The following GPC6 variants were observed in gnomAD, a reference collection of about 807,000 sequenced individuals.
GPC6 encodes the protein glypican 6, also known as glypican-6.
Under a neutral mutation model 55.2 loss-of-function variants are expected in GPC6, and 14 were observed. That is an observed-to-expected ratio of 0.25 (90% confidence interval 0.17 to 0.40). The LOEUF (loss-of-function observed/expected upper bound fraction) is 0.40, where lower values mean the gene tolerates loss of function less well. Ranked by LOEUF, GPC6 falls within the 10% of genes least tolerant of loss-of-function variation. The pLI, the probability that GPC6 is intolerant of heterozygous loss-of-function variation, is 1.00. For synonymous variants in GPC6, 278 were observed against 259.6 expected (o/e 1.07, Z -0.68); for missense variants, 641 against 708.5 (o/e 0.90, Z 1.08).
intron 3 of GPC6, among the ~76,000 whole-genome samples, chr13:93,957,296 A>T (rs2140379253): frequency 6.6e-6 from 1 of 152,260 alleles, no homozygotes; most frequent in Admixed American, 6.5e-5. Context: ...GTACACGTAC[A>T]GGCTTGTTAC....
At chr13:93,577,356 A>T (rs1412164186) in intron 2 of GPC6, among the ~76,000 whole-genome samples, 1 of 152,110 alleles carries the variant, frequency 6.6e-6, no homozygotes, top group Non-Finnish European at 1.5e-5. Context: ...ACTTTTGAAA[A>T]TTTTACAAAA....
intron 2 of GPC6, among the ~76,000 whole-genome samples, chr13:93,771,288 C>G (rs1215841501): frequency 6.6e-6 from 1 of 152,194 alleles, no homozygotes. Context: ...GATCACGCTT[C>G]CTTCCTCGGT....
At chr13:93,260,506 T>C (rs1877108553) in intron 1 of GPC6, among the ~76,000 whole-genome samples, 1 of 152,124 alleles carries the variant, frequency 6.6e-6, no homozygotes, top group African/African-American at 2.4e-5. Flanking sequence ...GGACTTGTTA[T>C]CACCGCCTCT....
intron 4 of GPC6, among the ~76,000 whole-genome samples, chr13:94,109,084 C>A (rs1886153536): frequency 6.6e-6 from 1 of 152,282 alleles, no homozygotes; most frequent in East Asian, 1.9e-4. Context: ...AATGTAAAAG[C>A]TTTACATCCC....
intron 2 of GPC6, among the ~76,000 whole-genome samples, chr13:93,590,849 G>A (rs990694866): frequency 2.6e-4 from 40 of 151,944 alleles, no homozygotes; most frequent in Non-Finnish European, 4.1e-4. Context: ...TTCATGAAAC[G>A]CTGATGCTTA....
At chr13:94,137,744 T>C (rs1320162038) in intron 4 of GPC6, among the ~76,000 whole-genome samples, 1 of 152,176 alleles carries the variant, frequency 6.6e-6, no homozygotes, top group Non-Finnish European at 1.5e-5. Context: ...AATGGCTACT[T>C]TGGCAAATGA....
chr13:93,919,155 G>A (rs545312882), intron 3 of GPC6, among the ~76,000 whole-genome samples: 1 of 152,260 alleles, frequency 6.6e-6, no homozygotes, highest in African/African-American at 2.4e-5. Flanking sequence ...TGTCATGACT[G>A]TAAACTCCCT....
chr13:94,105,729 A>T (rs1429142231), intron 4 of GPC6, among the ~76,000 whole-genome samples: 1 of 152,164 alleles, frequency 6.6e-6, no homozygotes, highest in Non-Finnish European at 1.5e-5. Flanking sequence ...TAGAAAGCAA[A>T]CCAAGATAGT....
At chr13:93,623,215 A>T (rs369814875) in intron 2 of GPC6, among the ~76,000 whole-genome samples, 1 of 152,168 alleles carries the variant, frequency 6.6e-6, no homozygotes, top group African/African-American at 2.4e-5. Context: ...GTGCTGAAAA[A>T]AAAAATAATA....
At chr13:93,755,948 T>C (rs1292972554) in intron 2 of GPC6, among the ~76,000 whole-genome samples, 1 of 152,186 alleles carries the variant, frequency 6.6e-6, no homozygotes, top group Admixed American at 6.6e-5. Context: ...GCTGGAGGAA[T>C]CCTCTACTGT....
intron 2 of GPC6, among the ~76,000 whole-genome samples, chr13:93,568,364 A>G (rs1240357600): frequency 6.6e-6 from 1 of 152,142 alleles, no homozygotes; most frequent in Non-Finnish European, 1.5e-5. Context: ...AAAACTTTTG[A>G]TTTTGATGAG....
chr13:93,978,910 A>G (rs1288305838), intron 3 of GPC6, among the ~76,000 whole-genome samples: 1 of 152,214 alleles, frequency 6.6e-6, no homozygotes, highest in African/African-American at 2.4e-5. Context: ...GTTATAGTCA[A>G]TACAGTGCCC....
At chr13:93,881,791 C>G (rs1874991045) in intron 3 of GPC6, among the ~76,000 whole-genome samples, 1 of 152,090 alleles carries the variant, frequency 6.6e-6, no homozygotes, top group East Asian at 1.9e-4. Flanking sequence ...TTCATTCTAG[C>G]CTCAATGCCT....
chr13:94,019,787 A>G (rs1882626644), intron 3 of GPC6, among the ~76,000 whole-genome samples: 1 of 152,200 alleles, frequency 6.6e-6, no homozygotes, highest in Non-Finnish European at 1.5e-5. Context: ...TCAGGATTCT[A>G]TTTAATCCAC....
intron 1 of GPC6, among the ~76,000 whole-genome samples, chr13:93,300,489 A>C (rs1878637584): frequency 6.6e-6 from 1 of 151,676 alleles, no homozygotes; most frequent in Non-Finnish European, 1.5e-5. Context: ...TCTACTAAAA[A>C]TACAAAAAAT....
intron 1 of GPC6, among the ~76,000 whole-genome samples, chr13:93,316,228 T>C (rs1258722706): frequency 6.6e-6 from 1 of 152,084 alleles, no homozygotes; most frequent in African/African-American, 2.4e-5. Context: ...GAACTATTTT[T>C]TATTCATGCC....
intron 4 of GPC6, among the ~76,000 whole-genome samples, chr13:94,188,523 A>G (rs1048132516): frequency 6.6e-6 from 1 of 152,328 alleles, no homozygotes; most frequent in East Asian, 1.9e-4. Flanking sequence ...AAAGTTGAAT[A>G]AAGAAAAAAA....
intron 1 of GPC6, among the ~76,000 whole-genome samples, chr13:93,312,050 T>G (rs2139109743): frequency 6.6e-6 from 1 of 152,318 alleles, no homozygotes; most frequent in Middle Eastern, 3.4e-3. Flanking sequence ...GAAAGTTACT[T>G]TGGCTTAGAA....
chr13:93,441,052 C>T (rs1877777961), intron 1 of GPC6, among the ~76,000 whole-genome samples: 1 of 152,168 alleles, frequency 6.6e-6, no homozygotes, highest in Non-Finnish European at 1.5e-5. Context: ...GCATAGTATT[C>T]CATGGTGTAT....
Sources: allele counts gnomAD v4.1 joint callset (sites outside exome capture counted in the v4.1 genomes callset), GRCh38; gene constraint gnomAD v4.1.1; transcripts MANE v1.5; gene names NCBI Gene and HGNC (gene_info 2026-07-23, HGNC 2026-07-21).